Variants in MACROD2 observed in about 807,000 individuals in gnomAD.
MACROD2 encodes the protein ADP-ribose glycohydrolase MACROD2.
A neutral mutation model predicts 70.4 loss-of-function variants in MACROD2; 36 were observed. The ratio of observed to expected loss-of-function variants is 0.51; its 90% CI spans 0.39 to 0.68. The LOEUF (loss-of-function observed/expected upper bound fraction) is 0.68. Among genes scored for constraint, MACROD2 ranks in the 30% least tolerant of loss-of-function variants. The pLI is 0.00. For missense variants in MACROD2, 496 were observed against 538.4 expected (o/e 0.92, Z 0.78); for synonymous variants, 172 against 178.8 (o/e 0.96, Z 0.30).
Position 14,082,668 on chromosome 20 carries a change from A to G in MACROD2, c.164-2953A>G, listed in dbSNP as rs973033723. Reference sequence around the variant, plus strand: ...CAGTTAAAGAATGATTAGAAAATCTATTTACTCTGTTTCCCATGTTGAAAT... The same window carrying G: ...CAGTTAAAGAATGATTAGAAAATCTGTTTACTCTGTTTCCCATGTTGAAAT... On this transcript the variant is annotated intron_variant, in intron 2 of 17. Coordinates refer to ENST00000684519, the MANE Select transcript of MACROD2 (RefSeq NM_001351661.2). Among the ~76,000 whole-genome samples, 3 of 149,284 alleles carry G rather than the reference A, an allele frequency of 2.0e-5. No individual in the cohort carries two copies. The East Asian group carries it at 6.0e-4, about 30-fold the overall frequency.
chr20:14,136,832 C>T lies in MACROD2; in HGVS notation c.271+51104C>T, dbSNP rs571463042. On this transcript the variant is annotated intron_variant, in intron 3 of 17. Coordinates refer to ENST00000684519, the MANE Select transcript of MACROD2 (RefSeq NM_001351661.2). ...CTATTTCTTCCAGAAATGCTTTCCC[C>T]ATTTTTCTGAACCTTAACATTCTTT... 2.6e-5 allele frequency among the ~76,000 whole-genome samples: 4 copies of T among 152,150 alleles called. No homozygotes were observed. In the South Asian group the frequency reaches 8.3e-4, roughly 32 times the overall value.
At chr20:15,156,782 T>C (rs940881495) in intron 5 of MACROD2, among the ~76,000 whole-genome samples, 3 of 152,302 alleles carry the variant, frequency 2.0e-5, no homozygotes, top group Admixed American at 6.5e-5. Flanking sequence ...TTCTCATTCC[T>C]TCCTCTTAGC....
chr20:15,472,546 C>T (rs2046975215), intron 7 of MACROD2, among the ~76,000 whole-genome samples: 1 of 152,048 alleles, frequency 6.6e-6, no homozygotes, highest in African/African-American at 2.4e-5. Context: ...TTAATAACAC[C>T]ATTATTCAAG....
chr20:14,430,504 A>G (rs1230743610), intron 3 of MACROD2, among the ~76,000 whole-genome samples: 1 of 152,192 alleles, frequency 6.6e-6, no homozygotes, highest in Non-Finnish European at 1.5e-5. Flanking sequence ...AAAATAATGC[A>G]ATATTTCTAG....
chr20:15,333,708 A>G (rs1175026362), intron 6 of MACROD2, among the ~76,000 whole-genome samples: 1 of 151,584 alleles, frequency 6.6e-6, no homozygotes, highest in Non-Finnish European at 1.5e-5. Flanking sequence ...AAGGCGTGTT[A>G]GGAGGTTCAA....
chr20:15,530,670 G>A (rs532272604), intron 8 of MACROD2, among the ~76,000 whole-genome samples: 98 of 144,162 alleles, frequency 6.8e-4, no homozygotes, highest in South Asian at 1.8e-3. Context: ...AGCCGAGATT[G>A]CGCCACTGCA....
intron 1 of MACROD2, among the ~76,000 whole-genome samples, chr20:14,001,760 A>G (rs2052735579): frequency 6.6e-6 from 1 of 152,162 alleles, no homozygotes; most frequent in Non-Finnish European, 1.5e-5. Context: ...ATGAAGTAGG[A>G]GCAGGCACTT....
intron 5 of MACROD2, among the ~76,000 whole-genome samples, chr20:15,044,404 A>T (rs1190814065): frequency 1.3e-5 from 2 of 152,174 alleles, no homozygotes; most frequent in African/African-American, 2.4e-5. Flanking sequence ...AATCAAGATT[A>T]TTCCTGTTTT....
intron 3 of MACROD2, among the ~76,000 whole-genome samples, chr20:14,194,371 A>T (rs1221697349): frequency 6.6e-6 from 1 of 152,156 alleles, no homozygotes; most frequent in Non-Finnish European, 1.5e-5. Context: ...CTTGAAAATG[A>T]TGGGCAAATC....
intron 8 of MACROD2, among the ~76,000 whole-genome samples, chr20:15,701,472 C>T (rs1441060605): frequency 6.6e-6 from 1 of 152,148 alleles, no homozygotes; most frequent in African/African-American, 2.4e-5. Context: ...AGGATAACAT[C>T]TTCATTCATA....
At chr20:14,145,440 G>A (rs2054932275) in intron 3 of MACROD2, among the ~76,000 whole-genome samples, 1 of 151,978 alleles carries the variant, frequency 6.6e-6, no homozygotes, top group African/African-American at 2.4e-5. Context: ...ATTTTTCATA[G>A]ATTTCTAAAT....
rs528078997 is a variant in MACROD2, at chr20:15,266,496, G to T, written c.540+36435G>T. ...AAGAATTACACAGTTAAAGGAGAAA[G>T]GATGTGACTCCTTCTAAGTAGGTAT... On this transcript the variant is annotated intron_variant, in intron 6 of 17. Coordinates refer to ENST00000684519, the MANE Select transcript of MACROD2 (RefSeq NM_001351661.2). Among the ~76,000 whole-genome samples, 3 of 152,280 alleles carry T rather than the reference G, an allele frequency of 2.0e-5. No homozygotes were observed. In the South Asian group the frequency reaches 6.2e-4, roughly 32 times the overall value.
chr20:15,793,357 T>A lies in MACROD2; in HGVS notation c.646-69388T>A, dbSNP rs115292971. Among the ~76,000 whole-genome samples, 422 of 152,314 alleles carry A rather than the reference T, an allele frequency of 2.8e-3. 3 individuals carry two copies. The highest frequency in any genetic ancestry group is 9.7e-3 in the African/African-American group (403 of 41,574). On this transcript the variant is annotated intron_variant, in intron 8 of 17. Coordinates refer to ENST00000684519, the MANE Select transcript of MACROD2 (RefSeq NM_001351661.2). ...CAGTTTCCCAGGTGATACTGCTGCC[T>A]CTGTTCCAGGCACCACACTATGTAG...
chr20:14,376,548 A>G (rs1225901522), intron 3 of MACROD2, among the ~76,000 whole-genome samples: 2 of 152,004 alleles, frequency 1.3e-5, no homozygotes, highest in African/African-American at 4.8e-5. Context: ...GGAGTTCAAG[A>G]CCAACCTGGG....
At chr20:15,974,761 A>C (rs1246661783) in intron 13 of MACROD2, among the ~76,000 whole-genome samples, 1 of 152,176 alleles carries the variant, frequency 6.6e-6, no homozygotes, top group Non-Finnish European at 1.5e-5. Context: ...TTTTTAAAAA[A>C]CAACAAAATA....
chr20:14,416,402 C>T (rs550029904), intron 3 of MACROD2, among the ~76,000 whole-genome samples: 4 of 152,230 alleles, frequency 2.6e-5, no homozygotes, highest in Non-Finnish European at 4.4e-5. Context: ...TTAGCTAAAA[C>T]GTGTACACAT....
chr20:14,687,229 C>T (rs1048004072), intron 5 of MACROD2, among the ~76,000 whole-genome samples: 3 of 152,042 alleles, frequency 2.0e-5, no homozygotes, highest in Non-Finnish European at 4.4e-5. Context: ...TCACTGTTTT[C>T]TTTTTTATGT....
intron 5 of MACROD2, among the ~76,000 whole-genome samples, chr20:14,931,090 T>C (rs1267930646): frequency 6.6e-6 from 1 of 152,094 alleles, no homozygotes; most frequent in Non-Finnish European, 1.5e-5. Flanking sequence ...ATGAGGTCCT[T>C]ATTCTAGTAG....
chr20:14,070,207 A>C (rs1255962092), intron 2 of MACROD2, among the ~76,000 whole-genome samples: 1 of 152,214 alleles, frequency 6.6e-6, no homozygotes, highest in African/African-American at 2.4e-5. Flanking sequence ...CCTCCAGCAC[A>C]CTAGCTACTA....
Sources: allele counts gnomAD v4.1 joint callset (sites outside exome capture counted in the v4.1 genomes callset), GRCh38; gene constraint gnomAD v4.1.1; transcripts MANE v1.5; gene names NCBI Gene and HGNC (gene_info 2026-07-23, HGNC 2026-07-21).